Variants in PWWP2A observed in about 807,000 individuals in gnomAD.
The protein encoded by PWWP2A is PWWP domain containing 2A.
In PWWP2A, 18 loss-of-function variants were observed where a neutral mutation model predicts 48.5. That is an observed-to-expected ratio of 0.37 (90% confidence interval 0.26 to 0.55). The LOEUF (loss-of-function observed/expected upper bound fraction) is 0.55. PWWP2A is among the 20% of genes least tolerant of loss of function. The pLI is 0.81. For missense variants in PWWP2A, 867 were observed against 976.4 expected (o/e 0.89, Z 1.49); for synonymous variants, 396 against 387.7 (o/e 1.02, Z -0.25).
rs1462693959 is a variant in PWWP2A at position 160,077,918 on chromosome 5, TCTC to T, written c.*234_*236del. The stretch of plus-strand genomic sequence containing the variant: ...TTACGTGTGTAATTCACATCATTTT[TCTC>T]CTCATCTCATGCATAATTTATTGCA... On this transcript the variant is annotated 3_prime_UTR_variant, in exon 4 of 4. Transcript: ENST00000456329. This position sits in a 1 kb window ranked among gnomAD's most constrained non-coding sequence, Gnocchi z 4.2. The T allele has an allele frequency of 2.8e-5, 13 of 470,990 alleles. No homozygotes were observed. Among genetic ancestry groups the T allele is most frequent in the East Asian group, 3.3e-5 (1 of 30,130 alleles). 29.2% of individuals were successfully genotyped at this position (470,990 alleles called of 1,614,324 possible).
chr5:160,091,888 C>T lies in PWWP2A; in HGVS notation c.*494G>A. The T allele has an allele frequency of 4.1e-6, 4 of 984,376 alleles. No individual in the cohort carries two copies. The highest frequency in any genetic ancestry group is 4.8e-6 in the Non-Finnish European group (4 of 829,416). 61.0% of individuals were successfully genotyped at this position (984,376 alleles called of 1,614,324 possible). On this transcript the variant is annotated 3_prime_UTR_variant, in exon 2 of 2. Transcript: ENST00000307063. ...AAGTAGTCATTAAATATCCACTATTCCCCCAGCTCACCAAGCCCTTATTGC... is the reference window on the plus strand; with the variant it reads ...AAGTAGTCATTAAATATCCACTATTTCCCCAGCTCACCAAGCCCTTATTGC...
chr5:160,092,240 A>G lies in PWWP2A; in HGVS notation c.*142T>C. ...TTAAGCTCTCAGTCTAAAAATGGCT[A>G]TAAGGTAAGTATTAAAAAGCCAGCC... On this transcript the variant is annotated 3_prime_UTR_variant, in exon 2 of 2. Coordinates refer to ENST00000307063, the MANE Select transcript of PWWP2A (RefSeq NM_001130864.2). The G allele has an allele frequency of 7.1e-7, 1 of 1,401,870 alleles. No individual in the cohort carries two copies. The highest frequency in any genetic ancestry group is 3.0e-5 in the Admixed American group (1 of 33,520). 86.8% of individuals were successfully genotyped at this position (1,401,870 alleles called of 1,614,324 possible).
intron 1 of PWWP2A, among the ~76,000 whole-genome samples, chr5:160,097,716 G>GA (rs1242905429): frequency 2.0e-5 from 3 of 146,392 alleles, no homozygotes; most frequent in Non-Finnish European, 4.5e-5. Flanking sequence ...TGGGGGGGGG[G>GA]GCGGTTGTTT....
downstream of PWWP2A, chr5:160,090,849 A>ACAGCCAAT: frequency 1.0e-6 from 1 of 984,922 alleles, no homozygotes; most frequent in African/African-American, 1.7e-5. Context: ...ACTTGCCTCC[A>ACAGCCAAT]CAGCCAATCA....
chr5:160,045,501 C>T, the PWWP2A span, among the ~76,000 whole-genome samples: 8 of 108,604 alleles, frequency 7.4e-5, no homozygotes, highest in Admixed American at 3.6e-4. Flanking sequence ...CACACACACA[C>T]ACACACACAC....
chr5:160,111,210 CA>C (rs1757532564), intron 1 of PWWP2A, among the ~76,000 whole-genome samples: 1 of 151,950 alleles, frequency 6.6e-6, no homozygotes, highest in Admixed American at 6.6e-5. Context: ...TCTTGTTGCC[CA>C]GGATGGAGTG....
intron 1 of PWWP2A, among the ~76,000 whole-genome samples, chr5:160,109,818 TA>T (rs1363614953): frequency 2.7e-5 from 3 of 111,974 alleles, no homozygotes; most frequent in Admixed American, 1.0e-4. Flanking sequence ...TAAAATAATA[TA>T]ATAATATATA....
chr5:160,104,628 C>T (rs1756679882), intron 1 of PWWP2A, among the ~76,000 whole-genome samples: 1 of 151,946 alleles, frequency 6.6e-6, no homozygotes, highest in African/African-American at 2.4e-5. Flanking sequence ...CATGGCAAAA[C>T]CCCATTTCTA....
chr5:160,086,197 T>C (rs541991769), intron 2 of PWWP2A, among the ~76,000 whole-genome samples: 1 of 152,282 alleles, frequency 6.6e-6, no homozygotes, highest in Admixed American at 6.5e-5. Flanking sequence ...TTTTTAATGA[T>C]ACTTTACAAA....
chr5:160,102,632 G>A (rs1317102039), intron 1 of PWWP2A, among the ~76,000 whole-genome samples: 1 of 152,106 alleles, frequency 6.6e-6, no homozygotes, highest in Non-Finnish European at 1.5e-5. Context: ...CAGTACATTG[G>A]TAAAGAATTA....
intron 1 of PWWP2A, among the ~76,000 whole-genome samples, chr5:160,105,440 A>G (rs1488140368): frequency 6.6e-6 from 1 of 151,440 alleles, no homozygotes; most frequent in Non-Finnish European, 1.5e-5. Context: ...CGGGAGGCTG[A>G]GGCAGGAGAA....
intron 1 of PWWP2A, among the ~76,000 whole-genome samples, chr5:160,095,052 A>C (rs1755485735): frequency 7.3e-6 from 1 of 137,024 alleles, no homozygotes; most frequent in Non-Finnish European, 1.6e-5. Flanking sequence ...TGTCTCAAAA[A>C]AAAAAAAAAA....
At chr5:160,079,937 A>G (rs1754111844) in intron 3 of PWWP2A, among the ~76,000 whole-genome samples, 1 of 152,228 alleles carries the variant, frequency 6.6e-6, no homozygotes, top group African/African-American at 2.4e-5. Context: ...TACAAACACC[A>G]GAGGGTTAAA....
At chr5:160,082,421 G>A (rs1190957769) in intron 2 of PWWP2A, among the ~76,000 whole-genome samples, 2 of 149,262 alleles carry the variant, frequency 1.3e-5, no homozygotes, top group Admixed American at 1.3e-4. Context: ...TCCAGCCTGG[G>A]CGACAGAGCG....
intron 1 of PWWP2A, among the ~76,000 whole-genome samples, chr5:160,102,110 C>CAAA (rs61608471): frequency 1.2e-3 from 70 of 59,022 alleles, no homozygotes; most frequent in African/African-American, 4.0e-3. Context: ...AACTTGGTGT[C>CAAA]AAAAAAAAAA....
intron 1 of PWWP2A, among the ~76,000 whole-genome samples, chr5:160,107,648 ACAAGAG>A (rs1748189330): frequency 6.6e-6 from 1 of 152,244 alleles, no homozygotes. Flanking sequence ...CCTTGTTTCA[ACAAGAG>A]CTTTACTTTA....
chr5:160,107,299 T>C (rs1056955280), intron 1 of PWWP2A, among the ~76,000 whole-genome samples: 3 of 152,212 alleles, frequency 2.0e-5, no homozygotes, highest in Admixed American at 6.5e-5. Flanking sequence ...TCTATGCACA[T>C]TTCTTTTGAC....
intron 1 of PWWP2A, among the ~76,000 whole-genome samples, chr5:160,104,344 T>C (rs1412643507): frequency 6.7e-6 from 1 of 150,242 alleles, no homozygotes; most frequent in African/African-American, 2.5e-5. Flanking sequence ...GGTGAAAGGA[T>C]CGCTTGAGCC....
the PWWP2A span, among the ~76,000 whole-genome samples, chr5:160,049,854 G>A: frequency 6.6e-6 from 1 of 151,938 alleles, no homozygotes; most frequent in African/African-American, 2.4e-5. Context: ...AAGGAGGAGA[G>A]ATCACTTGAG....
Sources: allele counts gnomAD v4.1 joint callset (sites outside exome capture counted in the v4.1 genomes callset), GRCh38; gene constraint gnomAD v4.1.1; non-coding constraint Gnocchi (gnomAD v3.1); transcripts MANE v1.5; gene names NCBI Gene and HGNC (gene_info 2026-07-23, HGNC 2026-07-21).